Variants in SEL1L observed in about 807,000 individuals in gnomAD.
SEL1L encodes protein sel-1 homolog 1.
In SEL1L, 52 loss-of-function variants were observed where a neutral mutation model predicts 109.8. The observed-to-expected ratio is 0.47, with a 90% confidence interval of 0.38 to 0.60. The LOEUF is 0.60. Ranked by LOEUF, SEL1L falls within the 20% of genes least tolerant of loss-of-function variation. SEL1L has a pLI of 0.00. For missense variants in SEL1L, 749 were observed against 962.2 expected (o/e 0.78, Z 2.93); for synonymous variants, 373 against 339.6 (o/e 1.10, Z -1.08).
rs67777470 is a variant in SEL1L, at chr14:81,527,438, T to TACACACACACAC, written c.108+251_108+262dup. ...ATGACACAGGTTAAATCTTCAAACT[T>TACACACACACAC]ACACACACACACACACACACACACA... On this transcript the variant is annotated intron_variant, in intron 2 of 20. Coordinates refer to ENST00000336735, the MANE Select transcript of SEL1L (RefSeq NM_005065.6). Among the ~76,000 whole-genome samples, 642 of 146,746 alleles carry TACACACACACAC rather than the reference T, an allele frequency of 4.4e-3. 3 individuals carry two copies. The highest frequency in any genetic ancestry group is 0.01 in the Middle Eastern group (3 of 286).
At chr14:81,498,543 G>T in intron 8 of SEL1L, 49 bp from the exon 9 acceptor site, 1 of 1,362,314 alleles carries the variant, frequency 7.3e-7, no homozygotes, top group Non-Finnish European at 1.0e-6. Flanking sequence ...GTACTTCAGT[G>T]TCATTCTTCG....
intron 3 of SEL1L, among the ~76,000 whole-genome samples, chr14:81,511,494 T>C (rs1884475066): frequency 6.6e-6 from 1 of 152,234 alleles, no homozygotes; most frequent in African/African-American, 2.4e-5. Flanking sequence ...AAAGCTGTGG[T>C]GTGGCTGGGA....
At position 81,473,781 on chromosome 14, in the gene SEL1L, G is replaced by A. The variant is rs1266715320; in HGVS notation, c.*3191C>T. ...ACATGCTATACACATAAAGAATTGT[G>A]TTTTTCATTTATAGGCCTGCATGCA... is the stretch of plus-strand genomic sequence containing the variant. On this transcript the variant is annotated 3_prime_UTR_variant, in exon 21 of 21. Transcript: ENST00000336735. 2.0e-5 allele frequency: 3 copies of A among 152,142 alleles called. No homozygotes were observed. In the South Asian group the frequency reaches 6.2e-4, roughly 32 times the overall value. 9.4% of individuals were successfully genotyped at this position (152,142 alleles called of 1,614,324 possible).
intron 16 of SEL1L, 81 bp downstream of exon 16, chr14:81,487,308 CA>C (rs989334569): frequency 5.1e-6 from 7 of 1,371,446 alleles, no homozygotes; most frequent in Admixed American, 3.1e-5. Flanking sequence ...AGAAAACATA[CA>C]AAAAAACCAG....
chr14:81,507,618 C>CAA, intron 3 of SEL1L, among the ~76,000 whole-genome samples: 1 of 144,212 alleles, frequency 6.9e-6, no homozygotes, highest in East Asian at 2.1e-4. Flanking sequence ...ACAGCAAAAA[C>CAA]AAAAAATAAG....
chr14:81,492,298 CTA>C (rs1171810755), intron 12 of SEL1L, among the ~76,000 whole-genome samples, 180 bp downstream of exon 12: 1 of 152,154 alleles, frequency 6.6e-6, no homozygotes, highest in Non-Finnish European at 1.5e-5. Flanking sequence ...GCTGCAAACA[CTA>C]TGTTATATTT....
At chr14:81,481,371 T>G (rs2139984110) in intron 19 of SEL1L, among the ~76,000 whole-genome samples, 1 of 152,312 alleles carries the variant, frequency 6.6e-6, no homozygotes, top group South Asian at 2.1e-4. Context: ...AGCTATTCCT[T>G]ATTCTTGTCC....
At chr14:81,523,114 T>C (rs1414051888) in intron 3 of SEL1L, among the ~76,000 whole-genome samples, 1 of 152,186 alleles carries the variant, frequency 6.6e-6, no homozygotes, top group Non-Finnish European at 1.5e-5. Flanking sequence ...GAATGTCTTC[T>C]GTATGATAAT....
At chr14:81,499,708 T>TAAAC (rs763215238) in intron 6 of SEL1L, 46 bp from the exon 7 acceptor site, 1 of 1,492,592 alleles carries the variant, frequency 6.7e-7, no homozygotes, top group Admixed American at 2.0e-5. Flanking sequence ...GGTGAAGGTT[T>TAAAC]ATCCAAGACA....
intron 10 of SEL1L, among the ~76,000 whole-genome samples, chr14:81,495,906 A>G (rs1192073784): frequency 6.6e-6 from 1 of 152,228 alleles, no homozygotes; most frequent in Non-Finnish European, 1.5e-5. Flanking sequence ...ACTGCACTCC[A>G]TCCTGGGTGA....
intron 1 of SEL1L, among the ~76,000 whole-genome samples, chr14:81,532,517 G>C (rs1317515001): frequency 6.6e-6 from 1 of 152,160 alleles, no homozygotes; most frequent in Non-Finnish European, 1.5e-5. Flanking sequence ...TGGAGGGAGG[G>C]GAGTGGACCT....
At chr14:81,498,325 C>A in intron 9 of SEL1L, 88 bp downstream of exon 9, 1 of 1,135,446 alleles carries the variant, frequency 8.8e-7, no homozygotes, top group Admixed American at 2.4e-5. Context: ...ATTTATAATA[C>A]TTCAAATAGA....
Position 81,499,604 on chromosome 14 carries a change from A to G in SEL1L, c.831+5T>C. 2 of 1,611,246 alleles carry G rather than the reference A, an allele frequency of 1.2e-6. No homozygotes were observed. The highest frequency in any genetic ancestry group is 1.7e-6 in the Non-Finnish European group (2 of 1,179,426). On this transcript the variant is annotated splice_donor_5th_base_variant and intron_variant, in intron 7 of 20. Transcript: ENST00000336735. ...TAATATGCAATAAAGTTTTAATAGT[A>G]TTACCTTTGCCTGACTTGAATTAAC...
At chr14:81,497,733 GTTT>G (rs879570410) in intron 10 of SEL1L, among the ~76,000 whole-genome samples, 156 bp downstream of exon 10, 1 of 146,324 alleles carries the variant, frequency 6.8e-6, no homozygotes, top group Non-Finnish European at 1.5e-5. Context: ...GAGACTCTTG[GTTT>G]TTTTTTTTAA....
intron 1 of SEL1L, among the ~76,000 whole-genome samples, chr14:81,532,058 TA>T (rs1305908385): frequency 6.6e-6 from 1 of 152,224 alleles, no homozygotes; most frequent in African/African-American, 2.4e-5. Flanking sequence ...ATATCAGTGT[TA>T]AGTCTTTTAT....
intron 1 of SEL1L, among the ~76,000 whole-genome samples, chr14:81,531,958 T>G (rs1199341162): frequency 5.9e-5 from 9 of 152,352 alleles, no homozygotes; most frequent in Non-Finnish European, 1.0e-4. Context: ...ATTGAAATGT[T>G]GTGGCACAGC....
At position 81,475,933 on chromosome 14, in the gene SEL1L, T is replaced by G. The variant is rs1903145246; in HGVS notation, c.*1039A>C. ...TTTAATCCATCTTTGATTCTCTGAG[T>G]TTTAGTATTATAATAGTAGTCACTG... On this transcript the variant is annotated 3_prime_UTR_variant, in exon 21 of 21. Coordinates refer to ENST00000336735, the MANE Select transcript of SEL1L (RefSeq NM_005065.6). The G allele has an allele frequency of 6.6e-6, 1 of 152,140 alleles. No homozygotes were observed. Among genetic ancestry groups the G allele is most frequent in the Non-Finnish European group, 1.5e-5 (1 of 68,034 alleles). 9.4% of individuals were successfully genotyped at this position (152,140 alleles called of 1,614,324 possible). A position where few individuals can be genotyped will look rare whatever the true frequency, so the allele number is the denominator to read the frequency against.
At chr14:81,519,955 T>C (rs1224309812) in intron 3 of SEL1L, among the ~76,000 whole-genome samples, 2 of 152,180 alleles carry the variant, frequency 1.3e-5, no homozygotes, top group African/African-American at 4.8e-5. Flanking sequence ...CTGTGAATCA[T>C]GCTAAGGACT....
intron 3 of SEL1L, among the ~76,000 whole-genome samples, chr14:81,507,308 GGTT>G (rs1372925203): frequency 6.6e-6 from 1 of 152,188 alleles, no homozygotes; most frequent in East Asian, 1.9e-4. Flanking sequence ...CCAGTTTAAA[GGTT>G]GTTAACAGTC....
Sources: gnomAD v4.1 joint callset for allele counts (sites outside exome capture counted in the v4.1 genomes callset) on GRCh38, gnomAD v4.1.1 for gene constraint, MANE v1.5 for transcripts, NCBI Gene and HGNC (gene_info 2026-07-23, HGNC 2026-07-21) for gene names.